TTBK2: variants seen among roughly 807,000 people sequenced by gnomAD.
TTBK2 encodes tau tubulin kinase 2.
Under a neutral mutation model 110.8 loss-of-function variants are expected in TTBK2, and 28 were observed. The ratio of observed to expected loss-of-function variants is 0.25; its 90% CI spans 0.19 to 0.35. The LOEUF (loss-of-function observed/expected upper bound fraction) is 0.35, where lower values mean the gene tolerates loss of function less well. TTBK2 is among the 10% of genes least tolerant of loss of function. The probability of loss-of-function intolerance (pLI) is 1.00; values close to 1 mark genes in which losing one functional copy is unlikely to be tolerated. For missense variants in TTBK2, 1,369 were observed against 1,500.3 expected (o/e 0.91, Z 1.45); for synonymous variants, 532 against 527.3 (o/e 1.01, Z -0.12).
intron 1 of TTBK2, among the ~76,000 whole-genome samples, chr15:42,886,267 T>C (rs546318301): frequency 1.2e-4 from 19 of 152,174 alleles, no homozygotes; most frequent in Non-Finnish European, 4.4e-5. Flanking sequence ...AACCCTTCTA[T>C]CACCTCCCCT....
intron 10 of TTBK2, 109 bp from the exon 11 acceptor site, chr15:42,783,744 T>C: frequency 2.9e-6 from 2 of 678,846 alleles, no homozygotes; most frequent in South Asian, 1.8e-5. Flanking sequence ...TTAAGAGAGT[T>C]AAAAAAAAAA....
rs1892682558 is a variant in TTBK2, at chr15:42,829,987, G to C, written c.383C>G (p.Ser128Cys). The stretch of plus-strand genomic sequence containing the variant: ...TCCCACAGAATGAATGCTTTCAATA[G>C]ACTCCAAAATCTGTCTACCCAGCCG... ...TLRLGRQILE[S>C]IESIHSVGFL... Residue 128 changes from serine to cysteine, a missense_variant, in exon 5 of 15, where the codon TCT (serine) becomes TGT (cysteine). By Grantham distance (112) the Ser-to-Cys change is moderately radical. Transcript: ENST00000267890. The C allele has an allele frequency of 6.2e-7, 1 of 1,613,980 alleles. No homozygotes were observed.
At chr15:42,753,838 T>A (rs564283332) in intron 13 of TTBK2, among the ~76,000 whole-genome samples, 1 of 152,148 alleles carries the variant, frequency 6.6e-6, no homozygotes, top group Non-Finnish European at 1.5e-5. Context: ...TGCCCATACA[T>A]CTGTAAAAAA....
In TTBK2 at chr15:42,850,201, A is replaced by G. The variant is rs374741628; in HGVS notation, c.218-9768T>C. Among the ~76,000 whole-genome samples the G allele has an allele frequency of 5.0e-4, 76 of 152,298 alleles. 1 individual carries two copies. In the South Asian group the frequency reaches 0.012, roughly 25 times the overall value. ...GCCCGGGTATAAGAGAATAAAGAAA[A>G]GAAAAAAAGAGAGAAAGATGTAGGA... is the stretch of plus-strand genomic sequence containing the variant. On this transcript the variant is annotated intron_variant, in intron 3 of 14. Coordinates refer to ENST00000267890, the MANE Select transcript of TTBK2 (RefSeq NM_173500.4).
intron 1 of TTBK2, among the ~76,000 whole-genome samples, chr15:42,907,402 A>C (rs761116785): frequency 1.3e-5 from 2 of 152,250 alleles, no homozygotes; most frequent in Non-Finnish European, 2.9e-5. Flanking sequence ...AGCACTATTA[A>C]CAACAGCCAA....
chr15:42,882,771 A>C (rs1429990599), intron 1 of TTBK2, among the ~76,000 whole-genome samples: 1 of 152,192 alleles, frequency 6.6e-6, no homozygotes, highest in Non-Finnish European at 1.5e-5. Context: ...AAGAACTGTC[A>C]ACCCACAATT....
chr15:42,837,657 CAAAAAAA>C lies in TTBK2; in HGVS notation c.291+2696_291+2702del, dbSNP rs35898464. On this transcript the variant is annotated intron_variant, in intron 4 of 14. Transcript: ENST00000267890. ...CCGGTGACAGAGTGAGACTCTGTCT[CAAAAAAA>C]AAAAAAAAAAAAAAAAAGGTTCAGG... is the stretch of plus-strand genomic sequence containing the variant. 4.0e-4 allele frequency among the ~76,000 whole-genome samples: 16 copies of C among 40,020 alleles called. No homozygotes were observed. The East Asian group carries it at 5.7e-3, about 14-fold the overall frequency. 26.3% of individuals were successfully genotyped at this position (40,020 alleles called of 152,430 possible).
chr15:42,777,461 T>A lies in TTBK2; in HGVS notation c.1198-219A>T, dbSNP rs535791927. ...CAGTTTCAGTATTATTTTAGGTTTT[T>A]AAAATACTTTTGGCACAAACATAAA... is the stretch of plus-strand genomic sequence containing the variant. On this transcript the variant is annotated intron_variant, in intron 11 of 14. Transcript: ENST00000267890. Among the ~76,000 whole-genome samples the A allele has an allele frequency of 2.0e-5, 3 of 152,348 alleles. No homozygotes were observed. The South Asian group carries it at 6.2e-4, about 32-fold the overall frequency.
At chr15:42,876,687 G>GA (rs1025142897) in intron 2 of TTBK2, among the ~76,000 whole-genome samples, 5 of 152,004 alleles carry the variant, frequency 3.3e-5, no homozygotes, top group Admixed American at 1.3e-4. Flanking sequence ...CCTACTAATG[G>GA]AAAAAAACTT....
At chr15:42,871,055 G>A (rs889181167) in intron 3 of TTBK2, among the ~76,000 whole-genome samples, 7 of 152,108 alleles carry the variant, frequency 4.6e-5, no homozygotes, top group Non-Finnish European at 7.4e-5. Flanking sequence ...TTATCAGAAC[G>A]GTCCAGATTA....
chr15:42,853,124 C>T (rs961781103), intron 3 of TTBK2, among the ~76,000 whole-genome samples: 1 of 152,076 alleles, frequency 6.6e-6, no homozygotes, highest in Admixed American at 6.5e-5. Flanking sequence ...GGGAAGTCTC[C>T]AGGGAAGGCA....
intron 1 of TTBK2, among the ~76,000 whole-genome samples, chr15:42,884,794 C>A (rs972488962): frequency 1.1e-4 from 17 of 152,208 alleles, no homozygotes; most frequent in Non-Finnish European, 2.9e-5. Context: ...GCCATCATAT[C>A]CCCTGTGACC....
At position 42,903,654 on chromosome 15, in the gene TTBK2, A is replaced by G. The variant is rs772104124; in HGVS notation, c.-68+16784T>C. 6.6e-5 allele frequency among the ~76,000 whole-genome samples: 10 copies of G among 152,314 alleles called. No individual in the cohort carries two copies. In the East Asian group the frequency reaches 1.9e-3, roughly 29 times the overall value. On this transcript the variant is annotated intron_variant, in intron 1 of 14. Transcript: ENST00000267890. ...CACTAGAAGAAAGACCAGGAATTCT[A>G]TAAGACACCCAGGTTTGGCTGACTG...
chr15:42,790,977 G>A (rs1008883409), intron 10 of TTBK2, among the ~76,000 whole-genome samples: 3 of 152,210 alleles, frequency 2.0e-5, no homozygotes, highest in South Asian at 2.1e-4. Flanking sequence ...TCCACCTCCC[G>A]TGTTCACGCC....
chr15:42,886,553 C>T (rs1437241825), intron 1 of TTBK2, among the ~76,000 whole-genome samples: 3 of 152,162 alleles, frequency 2.0e-5, no homozygotes, highest in East Asian at 3.8e-4. Flanking sequence ...TCTTAATATG[C>T]ATTTTATTAC....
chr15:42,846,715 C>T (rs1046471253), intron 3 of TTBK2, among the ~76,000 whole-genome samples: 11 of 152,106 alleles, frequency 7.2e-5, no homozygotes, highest in Non-Finnish European at 1.0e-4. Context: ...GTAACTTGGA[C>T]GAAGCCCCTA....
At chr15:42,776,326 C>A (rs1889919287) in intron 12 of TTBK2, among the ~76,000 whole-genome samples, 1 of 152,216 alleles carries the variant, frequency 6.6e-6, no homozygotes, top group African/African-American at 2.4e-5. Flanking sequence ...GAAATTAGGT[C>A]TTAATGCTGC....
intron 2 of TTBK2, among the ~76,000 whole-genome samples, chr15:42,875,905 CA>C (rs57982301): frequency 0.019 from 1,076 of 56,880 alleles, 2 homozygotes; most frequent in African/African-American, 0.04. Flanking sequence ...GACTCCGTCT[CA>C]AAAAAAAAAA....
chr15:42,880,006 A>AT (rs1894977608), intron 1 of TTBK2, among the ~76,000 whole-genome samples: 1 of 151,864 alleles, frequency 6.6e-6, no homozygotes, highest in Admixed American at 6.6e-5. Context: ...CAAAAAAAAA[A>AT]AAAAAAAGAA....
Sources: allele counts gnomAD v4.1 joint callset (sites outside exome capture counted in the v4.1 genomes callset), GRCh38; gene constraint gnomAD v4.1.1; transcripts MANE v1.5; gene names NCBI Gene and HGNC (gene_info 2026-07-23, HGNC 2026-07-21).